The following P3H1 variants were observed in gnomAD, a reference collection of about 807,000 sequenced individuals.
P3H1 encodes prolyl 3-hydroxylase 1.
A neutral mutation model predicts 84.0 loss-of-function variants in P3H1; 69 were observed. That is an observed-to-expected ratio of 0.82 (90% CI 0.68 to 1.00). The LOEUF is 1.00. P3H1 is among the 50% of genes least tolerant of loss of function. The pLI, the probability that P3H1 is intolerant of heterozygous loss-of-function variation, is 0.00. For missense variants in P3H1, 878 were observed against 962.8 expected, an observed-to-expected ratio of 0.91 and a Z score of 1.17; for synonymous variants, 366 against 388.8, an observed-to-expected ratio of 0.94 and a Z score of 0.69.
intron 8 of P3H1, among the ~76,000 whole-genome samples, chr1:42,753,805 C>G (rs944713390): frequency 6.6e-6 from 1 of 152,082 alleles, no homozygotes; most frequent in Non-Finnish European, 1.5e-5. Context: ...TGCCTGTAAT[C>G]CCAGCTACTT....
In P3H1 at chr1:42,749,159, C is replaced by T. The variant is rs559562429; in HGVS notation, c.1721-842G>A. 6.1e-3 allele frequency among the ~76,000 whole-genome samples: 932 copies of T among 152,390 alleles called. 14 individuals carry two copies. The highest frequency in any genetic ancestry group is 0.022 in the African/African-American group (900 of 41,596). ...AGTCAAGGCCTCACCACGTCCTTCA[C>T]TGCTTGATGAGGCCTCCCTGGCCTC... On this transcript the variant is annotated intron_variant, in intron 11 of 14. Transcript: ENST00000296388.
rs76628300 is a variant in P3H1, at chr1:42,747,259, G to T, written c.2055+13C>A. On this transcript the variant is annotated intron_variant, in intron 14 of 14. Transcript: ENST00000296388. ...CAGCACCAGCTGCTCTCACCCGCTC[G>T]AGCTGCTCTCACCCGCTCGCTGTGT... is the stretch of plus-strand genomic sequence containing the variant. The T allele has an allele frequency of 1.9e-6, 3 of 1,613,472 alleles. No individual in the cohort carries two copies. The highest frequency in any genetic ancestry group is 2.5e-6 in the Non-Finnish European group (3 of 1,179,528).
chr1:42,762,179 G>C (rs1384295702), intron 2 of P3H1, 144 bp downstream of exon 2: 2 of 795,394 alleles, frequency 2.5e-6, no homozygotes, highest in South Asian at 1.5e-5. Flanking sequence ...GCCGAGACTA[G>C]AGGGTCTCTT....
At chr1:42,748,497 G>A (rs956603545) in intron 11 of P3H1, 180 bp from the exon 12 acceptor site, 1 of 661,510 alleles carries the variant, frequency 1.5e-6, no homozygotes, top group Non-Finnish European at 2.8e-6. Flanking sequence ...AGGCTTCCTA[G>A]GACAGTTCTT....
At position 42,755,582 on chromosome 1, in the gene P3H1, G is replaced by A. The variant is rs1305501037; in HGVS notation, c.1136C>T (p.Ala379Val). Reference sequence around the variant, plus strand: ...AAAGGGAATTCCAAAAACATCATAAGCGAAGAAAAGCAGTTCTTTTTCCAG... The same window carrying A: ...AAAGGGAATTCCAAAAACATCATAAACGAAGAAAAGCAGTTCTTTTTCCAG... ...SLLEKELLFFAYDVFGIPFVD... is the reference protein window; with the variant it reads ...SLLEKELLFFVYDVFGIPFVD... The change falls in exon 6 of 15, where the codon GCT (alanine) becomes GTT (valine). Residue 379 changes from alanine to valine, a missense_variant. Coordinates refer to ENST00000296388, the MANE Select transcript of P3H1 (RefSeq NM_022356.4). The A allele has an allele frequency of 6.2e-7, 1 of 1,613,954 alleles. No individual in the cohort carries two copies.
At position 42,752,385 on chromosome 1, in the gene P3H1, C is replaced by T. The variant is rs756502315; in HGVS notation, c.1474-16G>A. The T allele has an allele frequency of 1.9e-6, 3 of 1,613,610 alleles. No individual in the cohort carries two copies. The Admixed American group carries it at 5.0e-5, about 27-fold the overall frequency. On this transcript the variant is annotated splice_polypyrimidine_tract_variant and intron_variant, in intron 9 of 14. Transcript: ENST00000296388. ...TTGCTGCCACCTACAAGGCCCAAAA[C>T]ACAAGGTGATGTTAGCCAGGGCAGC...
intron 5 of P3H1, among the ~76,000 whole-genome samples, chr1:42,757,055 C>T (rs1002461865): frequency 6.6e-6 from 1 of 152,182 alleles, no homozygotes; most frequent in Non-Finnish European, 1.5e-5. Context: ...CCCCTCACTC[C>T]CCTCAGACTC....
Position 42,766,499 on chromosome 1 carries a change from G to T in P3H1, c.465+8C>A, listed in dbSNP as rs773432444. ...ACCCCGGCCGCCTGGTTCCAGGCAGGTCTGCACCTTGAAGTAGGCGACCTG... is the reference window on the plus strand; with the variant it reads ...ACCCCGGCCGCCTGGTTCCAGGCAGTTCTGCACCTTGAAGTAGGCGACCTG... On this transcript the variant is annotated splice_region_variant and intron_variant, in intron 1 of 14. Transcript: ENST00000296388. The T allele has an allele frequency of 2.2e-5, 35 of 1,602,204 alleles. No individual in the cohort carries two copies. In the East Asian group the frequency reaches 7.9e-4, roughly 36 times the overall value.
Position 42,750,194 on chromosome 1 carries a change from G to A in P3H1, c.1712C>T (p.Ala571Val), listed in dbSNP as rs1246045624. 6.2e-7 allele frequency: 1 copy of A among 1,612,104 alleles called. No individual in the cohort carries two copies. The highest frequency in any genetic ancestry group is 8.5e-7 in the Non-Finnish European group (1 of 1,179,220). The change falls in exon 11 of 15, where the codon GCC becomes GTC. Residue 571 changes from alanine (A) to valine (V), a missense_variant. Coordinates refer to ENST00000296388, the MANE Select transcript of P3H1 (RefSeq NM_022356.4). ...GGGGTAATGAGGCCCACCTTCGATGGCAGTGCGGCACACCAGATGAGAGTA... is the reference window on the plus strand; with the variant it reads ...GGGGTAATGAGGCCCACCTTCGATGACAGTGCGGCACACCAGATGAGAGTA... Reference protein sequence around the residue: ...FSYSHLVCRTAIEEVQAERKD... With the variant: ...FSYSHLVCRTVIEEVQAERKD...
chr1:42,753,747 C>A (rs1652235246), intron 8 of P3H1, among the ~76,000 whole-genome samples: 1 of 151,894 alleles, frequency 6.6e-6, no homozygotes, highest in Non-Finnish European at 1.5e-5. Flanking sequence ...ATGGTGAAAC[C>A]CTATCTCTAC....
In P3H1 at chr1:42,754,468, A is replaced by G. The variant is rs1652276652; in HGVS notation, c.1345+401T>C. Reference sequence around the variant, plus strand: ...GGGGAGACAGGATGAGTTAATACCTATGGAAGTGGACAACACTAGTCACTC... The same window carrying G: ...GGGGAGACAGGATGAGTTAATACCTGTGGAAGTGGACAACACTAGTCACTC... On this transcript the variant is annotated intron_variant, in intron 8 of 14. Transcript: ENST00000296388. This position sits in a 1 kb window ranked among gnomAD's most constrained non-coding sequence, Gnocchi z 4.0. 6.6e-6 allele frequency among the ~76,000 whole-genome samples: 1 copy of G among 152,106 alleles called. No homozygotes were observed.
At position 42,755,188 on chromosome 1, in the gene P3H1, G is replaced by T; in HGVS notation, c.1200C>A (p.Pro400=). The T allele has an allele frequency of 2.5e-6, 4 of 1,614,092 alleles. No individual in the cohort carries two copies. The highest frequency in any genetic ancestry group is 3.4e-6 in the Non-Finnish European group (4 of 1,179,972). ...PDSWTPEEVI[P]KRLQEKQKSE... is the part of the protein sequence containing the mutation. Reference sequence around the variant, plus strand: ...ACTTCTGTTTCTCTTGCAATCTCTTGGGAATCACTTCTTCTGGAGTCCATG... The same window carrying T: ...ACTTCTGTTTCTCTTGCAATCTCTTTGGAATCACTTCTTCTGGAGTCCATG... The change falls in exon 7 of 15, where the codon CCC becomes CCA. Residue 400 remains proline, a synonymous_variant. Transcript: ENST00000296388.
At position 42,757,763 on chromosome 1, in the gene P3H1, A is replaced by G; in HGVS notation, c.1080+20T>C. 1 of 1,614,146 alleles carries G rather than the reference A, an allele frequency of 6.2e-7. No homozygotes were observed. Among genetic ancestry groups the G allele is most frequent in the Non-Finnish European group, 8.5e-7 (1 of 1,180,014 alleles). On this transcript the variant is annotated intron_variant, in intron 5 of 14. Coordinates refer to ENST00000296388, the MANE Select transcript of P3H1 (RefSeq NM_022356.4). ...TCTGAGTTCAGCTGGCAGCTGTCAT[A>G]ACAGAAGGAAGTCTCTCACCTCACG...
chr1:42,757,426 A>C (rs1338379009), intron 5 of P3H1, among the ~76,000 whole-genome samples: 1 of 152,244 alleles, frequency 6.6e-6, no homozygotes, highest in Admixed American at 6.5e-5. Flanking sequence ...AGCAGAAAAA[A>C]AACAACCAGT....
intron 1 of P3H1, 100 bp downstream of exon 1, chr1:42,766,407 C>A (rs1652999830): frequency 2.7e-6 from 3 of 1,112,682 alleles, no homozygotes; most frequent in Non-Finnish European, 2.7e-6. Context: ...ACTTTCCCCT[C>A]CCTGCGGACA....
Position 42,746,729 on chromosome 1 carries a change from C to T in P3H1, c.2179G>A (p.Gly727Ser). The T allele has an allele frequency of 6.4e-7, 1 of 1,552,150 alleles. No individual in the cohort carries two copies. The highest frequency in any genetic ancestry group is 8.7e-7 in the Non-Finnish European group (1 of 1,147,202). Reference protein sequence around the residue: ...PPEPAQESLSGSESKPKDEL With the variant: ...PPEPAQESLSSSESKPKDEL ...TCATCCTTGGGCTTCGATTCACTGC[C>T]TGAGAGAGACTCTTGTGCAGGTTCG... The change falls in exon 15 of 15, where the codon GGC becomes AGC. Residue 727 changes from glycine to serine, a missense_variant. Gly to Ser is a moderately conservative substitution (Grantham distance 56, BLOSUM62 0). Coordinates refer to ENST00000296388, the MANE Select transcript of P3H1 (RefSeq NM_022356.4).
chr1:42,763,154 C>T (rs868499038), intron 1 of P3H1, among the ~76,000 whole-genome samples: 33 of 151,880 alleles, frequency 2.2e-4, no homozygotes, highest in Middle Eastern at 3.4e-3. Context: ...AATTCTGTGG[C>T]TTCAAGGATT....
chr1:42,747,020 G>C (rs1204473329), intron 14 of P3H1, 168 bp from the exon 15 acceptor site: 1 of 1,614,120 alleles, frequency 6.2e-7, no homozygotes, highest in Non-Finnish European at 8.5e-7. Context: ...TGGGGCCCAA[G>C]GAGGGAACCA....
chr1:42,764,958 G>A (rs959376644), intron 1 of P3H1, among the ~76,000 whole-genome samples: 4 of 152,088 alleles, frequency 2.6e-5, no homozygotes, highest in African/African-American at 9.7e-5. Context: ...TAAGCACTGA[G>A]GTACTTAACC....
Sources: gnomAD v4.1 joint callset for allele counts (sites outside exome capture counted in the v4.1 genomes callset) on GRCh38, gnomAD v4.1.1 for gene constraint, Gnocchi (gnomAD v3.1) non-coding constraint, MANE v1.5 for transcripts, NCBI Gene and HGNC (gene_info 2026-07-23, HGNC 2026-07-21) for gene names.